Variants in RNF144A observed in about 807,000 individuals in gnomAD.
RNF144A encodes E3 ubiquitin-protein ligase RNF144A.
In RNF144A, 11 loss-of-function variants were observed where a neutral mutation model predicts 38.7. The observed-to-expected ratio is 0.28, with a 90% CI of 0.18 to 0.47. The LOEUF is 0.47. RNF144A is among the 20% of genes least tolerant of loss of function. The probability of loss-of-function intolerance (pLI) is 0.99; values close to 1 mark genes in which losing one functional copy is unlikely to be tolerated. For missense variants in RNF144A, 316 were observed against 377.2 expected (o/e 0.84, Z 1.34); for synonymous variants, 149 against 143.9 (o/e 1.04, Z -0.25).
intron 2 of RNF144A, among the ~76,000 whole-genome samples, chr2:6,970,902 G>T (rs1192411363): frequency 6.6e-6 from 1 of 152,126 alleles, no homozygotes; most frequent in Non-Finnish European, 1.5e-5. Context: ...TGCCTCCAAG[G>T]CATGGCCTGC....
At chr2:7,005,591 C>T (rs1339397092) in intron 3 of RNF144A, among the ~76,000 whole-genome samples, 1 of 152,222 alleles carries the variant, frequency 6.6e-6, no homozygotes, top group Non-Finnish European at 1.5e-5. Flanking sequence ...GCTGCCTCTG[C>T]AAGTCTGTTC....
chr2:6,934,603 AC>A (rs1464774018), intron 1 of RNF144A, among the ~76,000 whole-genome samples: 1 of 152,094 alleles, frequency 6.6e-6, no homozygotes, highest in Non-Finnish European at 1.5e-5. Flanking sequence ...TTGTAGTTTT[AC>A]TTTTAGCATT....
chr2:7,045,046 G>T (rs545041538), downstream of RNF144A, among the ~76,000 whole-genome samples: 286 of 152,344 alleles, frequency 1.9e-3, 2 homozygotes, highest in African/African-American at 6.7e-3. Context: ...GGAAGGTCAG[G>T]GAAGGCTGTC....
intron 5 of RNF144A, among the ~76,000 whole-genome samples, chr2:7,018,136 T>C (rs1004702291): frequency 6.6e-6 from 1 of 152,170 alleles, no homozygotes; most frequent in Non-Finnish European, 1.5e-5. Flanking sequence ...GGATGTCTGC[T>C]CCTTGCTGAT....
chr2:7,007,490 C>G (rs766546151), intron 3 of RNF144A, among the ~76,000 whole-genome samples: 7 of 152,170 alleles, frequency 4.6e-5, no homozygotes, highest in Non-Finnish European at 7.3e-5. Flanking sequence ...CGCACACACT[C>G]GATTTCACAG....
At chr2:7,027,545 A>G (rs1177547137) in intron 7 of RNF144A, among the ~76,000 whole-genome samples, 2 of 152,188 alleles carry the variant, frequency 1.3e-5, no homozygotes, top group Non-Finnish European at 2.9e-5. Context: ...TAAAAACCAC[A>G]TCTTTGTGTT....
intron 7 of RNF144A, among the ~76,000 whole-genome samples, chr2:7,028,357 G>T (rs551738403): frequency 1.1e-4 from 17 of 152,302 alleles, no homozygotes; most frequent in Middle Eastern, 3.4e-3. Context: ...CCCCAGCAGA[G>T]GCCTGTGCTT....
chr2:6,919,348 G>A (rs999236446), intron 1 of RNF144A, among the ~76,000 whole-genome samples: 5 of 152,208 alleles, frequency 3.3e-5, no homozygotes, highest in Non-Finnish European at 5.9e-5. Flanking sequence ...TCTCTTCTCC[G>A]GTACTGAGAT....
intron 1 of RNF144A, among the ~76,000 whole-genome samples, chr2:6,920,076 G>T (rs995154030): frequency 2.6e-5 from 4 of 152,354 alleles, no homozygotes; most frequent in African/African-American, 9.6e-5. Context: ...AAGCTGCTGA[G>T]GTTCAGGGGT....
chr2:7,065,746 T>C (rs1463429338), intron 6 of RNF144A, among the ~76,000 whole-genome samples: 1 of 152,282 alleles, frequency 6.6e-6, no homozygotes, highest in African/African-American at 2.4e-5. Flanking sequence ...GTTATTATTT[T>C]ACTTTGGTTC....
chr2:6,933,673 G>GTT (rs146567195), intron 1 of RNF144A, among the ~76,000 whole-genome samples: 28,629 of 149,058 alleles, frequency 0.19, 3,238 homozygotes, highest in Non-Finnish European at 0.26. Flanking sequence ...TTGCCCACAG[G>GTT]TTTTTTTTTT....
intron 2 of RNF144A, among the ~76,000 whole-genome samples, chr2:6,956,523 G>A (rs1667011047): frequency 6.6e-6 from 1 of 152,196 alleles, no homozygotes; most frequent in Non-Finnish European, 1.5e-5. Flanking sequence ...CCAAATCACA[G>A]ATGATGATAC....
chr2:6,948,359 G>A (rs992598294), intron 2 of RNF144A, among the ~76,000 whole-genome samples: 1 of 152,178 alleles, frequency 6.6e-6, no homozygotes, highest in Non-Finnish European at 1.5e-5. Flanking sequence ...AGAGGTCTAG[G>A]GACACATGAA....
intron 3 of RNF144A, among the ~76,000 whole-genome samples, chr2:7,002,514 A>G (rs1189088497): frequency 2.0e-5 from 3 of 152,192 alleles, no homozygotes; most frequent in Admixed American, 6.5e-5. Context: ...TAGAGCCACC[A>G]TGGTGGGACC....
At chr2:6,978,158 G>A (rs1404288289) in intron 2 of RNF144A, among the ~76,000 whole-genome samples, 2 of 152,296 alleles carry the variant, frequency 1.3e-5, no homozygotes, top group African/African-American at 2.4e-5. Flanking sequence ...TCTGGAGGAC[G>A]TGGACTTCTT....
chr2:7,035,291 C>A (rs1390026903), intron 8 of RNF144A, among the ~76,000 whole-genome samples: 1 of 152,198 alleles, frequency 6.6e-6, no homozygotes, highest in Non-Finnish European at 1.5e-5. Context: ...TGCTGAGCAG[C>A]GTCTTTGGAA....
At chr2:7,006,600 C>T (rs935057415) in intron 3 of RNF144A, among the ~76,000 whole-genome samples, 5 of 152,056 alleles carry the variant, frequency 3.3e-5, no homozygotes, top group Admixed American at 6.5e-5. Flanking sequence ...GGTCCTGGTA[C>T]CCCAACCCCG....
At chr2:6,966,520 G>GAGA (rs1186496521) in intron 2 of RNF144A, among the ~76,000 whole-genome samples, 1 of 152,208 alleles carries the variant, frequency 6.6e-6, no homozygotes, top group African/African-American at 2.4e-5. Flanking sequence ...TTGGTTTGGG[G>GAGA]AGAAGGATAA....
rs186159227 is a variant in RNF144A, at chr2:7,065,240, C to T, written c.735-2976C>T. Among the ~76,000 whole-genome samples, 186 of 152,370 alleles carry T rather than the reference C, an allele frequency of 1.2e-3. 1 individual carries two copies. Among genetic ancestry groups the T allele is most frequent in the Non-Finnish European group, 2.0e-3 (138 of 68,032 alleles). ...AAAGGATTTAGATCAACACTGGAAT[C>T]TCTTGGTTCCAAATCCAAATTCCTG... On this transcript the variant is annotated intron_variant, in intron 6 of 6. Transcript: ENST00000432850.
Sources: gnomAD v4.1 joint callset for allele counts (sites outside exome capture counted in the v4.1 genomes callset) on GRCh38, gnomAD v4.1.1 for gene constraint, MANE v1.5 for transcripts, NCBI Gene and HGNC (gene_info 2026-07-23, HGNC 2026-07-21) for gene names.